KCNH7: variants seen among roughly 807,000 people sequenced by gnomAD.
KCNH7 encodes voltage-gated inwardly rectifying potassium channel KCNH7.
In KCNH7, 49 loss-of-function variants were observed where a neutral mutation model predicts 120.8. That is an observed-to-expected ratio of 0.41 (90% CI 0.32 to 0.51). The LOEUF (loss-of-function observed/expected upper bound fraction) is 0.51, where lower values mean the gene tolerates loss of function less well. KCNH7 is among the 20% of genes least tolerant of loss of function. The pLI, the probability that KCNH7 is intolerant of heterozygous loss-of-function variation, is 0.38. For synonymous variants in KCNH7, 547 were observed against 516.1 expected, an observed-to-expected ratio of 1.06 and a Z score of -0.81; for missense variants, 1,097 against 1,446.6, an observed-to-expected ratio of 0.76 and a Z score of 3.92.
At chr2:162,763,016 G>T (rs1689019184) in intron 2 of KCNH7, among the ~76,000 whole-genome samples, 1 of 151,952 alleles carries the variant, frequency 6.6e-6, no homozygotes, top group African/African-American at 2.4e-5. Flanking sequence ...TAATACAATG[G>T]ATAGAACAGA....
intron 4 of KCNH7, among the ~76,000 whole-genome samples, chr2:162,517,492 T>C (rs780129006): frequency 3.3e-5 from 5 of 151,804 alleles, no homozygotes; most frequent in African/African-American, 4.8e-5. Context: ...AGGCAGATAA[T>C]GGTTATCATA....
At chr2:162,745,275 T>C (rs1688276543) in intron 2 of KCNH7, among the ~76,000 whole-genome samples, 1 of 152,210 alleles carries the variant, frequency 6.6e-6, no homozygotes, top group Non-Finnish European at 1.5e-5. Flanking sequence ...AATTCTGTTT[T>C]AAGCTTCATT....
chr2:162,806,534 A>G (rs1204328361), intron 2 of KCNH7, among the ~76,000 whole-genome samples: 1 of 152,176 alleles, frequency 6.6e-6, no homozygotes, highest in East Asian at 1.9e-4. Flanking sequence ...AATAGCTGTC[A>G]TTACAGTTAA....
chr2:162,820,625 T>C (rs1685087651), intron 2 of KCNH7, among the ~76,000 whole-genome samples: 1 of 152,176 alleles, frequency 6.6e-6, no homozygotes, highest in African/African-American at 2.4e-5. Context: ...TTTTCTTTCT[T>C]TCTTTCTTTT....
At chr2:162,605,585 C>G (rs940464521) in intron 2 of KCNH7, among the ~76,000 whole-genome samples, 1 of 152,026 alleles carries the variant, frequency 6.6e-6, no homozygotes, top group Non-Finnish European at 1.5e-5. Flanking sequence ...TTTCAAATTG[C>G]TAGGAAAAAG....
intron 2 of KCNH7, among the ~76,000 whole-genome samples, chr2:162,728,400 G>C (rs2105386549): frequency 6.6e-6 from 1 of 152,174 alleles, no homozygotes; most frequent in East Asian, 1.9e-4. Context: ...AGTTTTATTA[G>C]AAATATGTTT....
chr2:162,815,757 C>G (rs16822705), intron 2 of KCNH7, among the ~76,000 whole-genome samples: 10,830 of 152,232 alleles, frequency 0.071, 418 homozygotes, highest in South Asian at 0.11. Flanking sequence ...AGTACCACCT[C>G]TTGGGCACAG....
At chr2:162,723,602 CA>C (rs1329911843) in intron 2 of KCNH7, among the ~76,000 whole-genome samples, 1 of 152,146 alleles carries the variant, frequency 6.6e-6, no homozygotes, top group Non-Finnish European at 1.5e-5. Context: ...TAATTCTATT[CA>C]TTTTTCTATA....
intron 3 of KCNH7, 66 bp downstream of exon 3, chr2:162,536,859 C>T: frequency 7.7e-7 from 1 of 1,294,932 alleles, no homozygotes; most frequent in East Asian, 2.3e-5. Context: ...GAAATGAAGA[C>T]TGTATTAAAG....
chr2:162,815,963 G>A (rs916142894), intron 2 of KCNH7, among the ~76,000 whole-genome samples: 3 of 152,106 alleles, frequency 2.0e-5, no homozygotes, highest in Non-Finnish European at 4.4e-5. Flanking sequence ...AATTTACTTA[G>A]AAATCTGCCT....
intron 2 of KCNH7, among the ~76,000 whole-genome samples, chr2:162,682,083 C>T (rs1484445594): frequency 6.6e-6 from 1 of 151,510 alleles, no homozygotes; most frequent in African/African-American, 2.4e-5. Flanking sequence ...CTATTGTTGA[C>T]TCTGTTCAAT....
chr2:162,653,261 G>T (rs1422211265), intron 2 of KCNH7, among the ~76,000 whole-genome samples: 1 of 152,150 alleles, frequency 6.6e-6, no homozygotes, highest in Non-Finnish European at 1.5e-5. Context: ...AATTAGGCAA[G>T]AGAAAGAAAT....
At chr2:162,476,178 C>T (rs1264661529) in intron 6 of KCNH7, among the ~76,000 whole-genome samples, 1 of 152,198 alleles carries the variant, frequency 6.6e-6, no homozygotes, top group Non-Finnish European at 1.5e-5. Flanking sequence ...TTTACCAGTT[C>T]TCAGCTTTCT....
chr2:162,516,206 G>T (rs1260289457), intron 4 of KCNH7, among the ~76,000 whole-genome samples: 3 of 151,658 alleles, frequency 2.0e-5, no homozygotes, highest in Non-Finnish European at 3.0e-5. Context: ...CAACATAATT[G>T]CTTGCTTACA....
intron 2 of KCNH7, among the ~76,000 whole-genome samples, chr2:162,738,682 G>A (rs929049869): frequency 6.6e-6 from 1 of 152,152 alleles, no homozygotes; most frequent in African/African-American, 2.4e-5. Flanking sequence ...TATCTGTCTG[G>A]CTGTTAAGCA....
chr2:162,400,628 A>G (rs1277603110), intron 9 of KCNH7, among the ~76,000 whole-genome samples, 187 bp from the exon 10 acceptor site: 1 of 151,912 alleles, frequency 6.6e-6, no homozygotes, highest in Non-Finnish European at 1.5e-5. Flanking sequence ...TTTAACTCAA[A>G]TACTTGTTCT....
intron 2 of KCNH7, among the ~76,000 whole-genome samples, chr2:162,819,119 C>T (rs1384342856): frequency 6.6e-6 from 1 of 152,120 alleles, no homozygotes; most frequent in African/African-American, 2.4e-5. Flanking sequence ...CAACAAACTA[C>T]AGTATGATAC....
At chr2:162,586,406 C>A (rs1694022245) in intron 2 of KCNH7, among the ~76,000 whole-genome samples, 1 of 151,980 alleles carries the variant, frequency 6.6e-6, no homozygotes, top group African/African-American at 2.4e-5. Context: ...CCTGGCCATC[C>A]CAGCCATCCC....
At chr2:162,716,544 G>A (rs1687130829) in intron 2 of KCNH7, among the ~76,000 whole-genome samples, 1 of 152,060 alleles carries the variant, frequency 6.6e-6, no homozygotes, top group East Asian at 1.9e-4. Context: ...GCACGATCTT[G>A]TAATAAAACT....
Sources: gnomAD v4.1 joint callset for allele counts (sites outside exome capture counted in the v4.1 genomes callset) on GRCh38, gnomAD v4.1.1 for gene constraint, MANE v1.5 for transcripts, NCBI Gene and HGNC (gene_info 2026-07-23, HGNC 2026-07-21) for gene names.